RARB: variants seen among roughly 807,000 people sequenced by gnomAD.
The protein encoded by RARB is retinoic acid receptor beta.
A neutral mutation model predicts 51.9 loss-of-function variants in RARB; 17 were observed. The ratio of observed to expected loss-of-function variants is 0.33; its 90% CI spans 0.22 to 0.49. RARB has a LOEUF of 0.49. Among genes scored for constraint, RARB ranks in the 20% least tolerant of loss-of-function variants. The pLI is 0.99. For synonymous variants in RARB, 215 were observed against 195.4 expected (o/e 1.10, Z -0.84); for missense variants, 369 against 550.8 (o/e 0.67, Z 3.30).
intron 2 of RARB, among the ~76,000 whole-genome samples, chr3:24,938,992 T>TG (rs1553615775): frequency 0.043 from 6,341 of 146,112 alleles, 319 homozygotes; most frequent in East Asian, 0.23. Context: ...TTGTTGTTGT[T>TG]TTTTTTTTTA....
intron 2 of RARB, among the ~76,000 whole-genome samples, chr3:25,490,845 T>C (rs1696697602): frequency 6.6e-6 from 1 of 152,194 alleles, no homozygotes; most frequent in Non-Finnish European, 1.5e-5. Flanking sequence ...CTAAGTAATT[T>C]AGAAAACAGA....
chr3:24,884,817 G>A (rs1703238450), intron 2 of RARB, among the ~76,000 whole-genome samples: 1 of 152,084 alleles, frequency 6.6e-6, no homozygotes, highest in African/African-American at 2.4e-5. Flanking sequence ...GAGGATCACT[G>A]CAAAAATAGA....
chr3:25,401,713 G>T (rs2885838), intron 5 of RARB, among the ~76,000 whole-genome samples: 100,276 of 152,068 alleles, frequency 0.66, 33,312 homozygotes, highest in East Asian at 0.83. Context: ...GTATTCAGAC[G>T]GAAGCACAAA....
intron 2 of RARB, among the ~76,000 whole-genome samples, chr3:24,918,693 G>A (rs1178372638): frequency 1.3e-5 from 2 of 152,214 alleles, no homozygotes; most frequent in Admixed American, 1.3e-4. Flanking sequence ...GACCATCCTG[G>A]CCAACAGGCC....
rs752811760 is a variant in RARB, at chr3:25,596,552, G to A, written c.1283G>A (p.Ser428Asn). 10 of 1,613,790 alleles carry A rather than the reference G, an allele frequency of 6.2e-6. No homozygotes were observed. The Admixed American group carries it at 1.5e-4, about 24-fold the overall frequency. ...TCAAGTGGGAACACAGCAGAGCACA[G>A]TCCTAGCATCTCACCCAGCTCAGTG... ...PSSSGNTAEH[S>N]PSISPSSVEN... Residue 428 changes from serine (S) to asparagine (N), a missense_variant, in exon 8 of 8, where the codon AGT becomes AAT. Ser to Asn is a conservative substitution (Grantham distance 46, BLOSUM62 1). Coordinates refer to ENST00000330688, the MANE Select transcript of RARB (RefSeq NM_000965.5).
chr3:25,289,701 T>C lies in RARB; in HGVS notation c.178+115126T>C, dbSNP rs140919366. On this transcript the variant is annotated intron_variant, in intron 5 of 11. Coordinates refer to the RARB transcript ENST00000383772. ...AAAAGATAATTGCTGTATTAACAAA[T>C]GTTTATAGCATAATAAAGGAGTGGG... Among the ~76,000 whole-genome samples, 747 of 152,314 alleles carry C rather than the reference T, an allele frequency of 4.9e-3. 6 individuals carry two copies. Among genetic ancestry groups the C allele is most frequent in the African/African-American group, 0.017 (697 of 41,582 alleles).
At chr3:25,147,753 T>G (rs559199172) in intron 4 of RARB, among the ~76,000 whole-genome samples, 1 of 152,358 alleles carries the variant, frequency 6.6e-6, no homozygotes, top group South Asian at 2.1e-4. Flanking sequence ...AGCTACTCAC[T>G]GTTGCAGTTT....
At chr3:25,339,672 A>C (rs1048423932) in intron 5 of RARB, among the ~76,000 whole-genome samples, 40 of 151,926 alleles carry the variant, frequency 2.6e-4, no homozygotes, top group African/African-American at 9.7e-4. Context: ...ACACCCACAA[A>C]GGCACAGGGA....
intron 3 of RARB, among the ~76,000 whole-genome samples, chr3:25,108,948 T>A (rs1699555302): frequency 6.6e-6 from 1 of 152,170 alleles, no homozygotes; most frequent in Non-Finnish European, 1.5e-5. Context: ...ATGCAAACAG[T>A]GGGCTGTAGA....
chr3:24,882,530 G>T (rs1031905725), intron 2 of RARB, among the ~76,000 whole-genome samples: 1 of 152,176 alleles, frequency 6.6e-6, no homozygotes, highest in African/African-American at 2.4e-5. Context: ...ATCCCCCATG[G>T]ATACAAAGGG....
At chr3:25,129,051 A>C (rs901286268) in intron 3 of RARB, among the ~76,000 whole-genome samples, 2 of 152,150 alleles carry the variant, frequency 1.3e-5, no homozygotes, top group Non-Finnish European at 2.9e-5. Flanking sequence ...TCTAGAAAAA[A>C]TAGTGTTTAA....
At chr3:25,429,030 C>T in intron 1 of RARB, 142 bp downstream of exon 1, 2 of 1,103,652 alleles carry the variant, frequency 1.8e-6, no homozygotes, top group Non-Finnish European at 2.5e-6. Context: ...GATATGCTGG[C>T]ATGCATATTG....
chr3:25,584,754 C>T (rs745366970), intron 5 of RARB, among the ~76,000 whole-genome samples: 1 of 152,128 alleles, frequency 6.6e-6, no homozygotes, highest in Non-Finnish European at 1.5e-5. Context: ...TTGGTTTAAA[C>T]GTTTGCTCTG....
At chr3:25,259,349 C>G (rs1702942633) in intron 5 of RARB, among the ~76,000 whole-genome samples, 1 of 151,994 alleles carries the variant, frequency 6.6e-6, no homozygotes, top group South Asian at 2.1e-4. Flanking sequence ...GATATGTAGG[C>G]AAAAGTATTT....
intron 2 of RARB, among the ~76,000 whole-genome samples, chr3:25,043,443 G>T (rs1470189880): frequency 6.6e-6 from 1 of 152,192 alleles, no homozygotes; most frequent in Admixed American, 6.5e-5. Context: ...GGTCAGAGGG[G>T]ATGTGAAATG....
intron 4 of RARB, among the ~76,000 whole-genome samples, chr3:25,579,073 T>C (rs1334899479): frequency 6.6e-6 from 1 of 152,212 alleles, no homozygotes; most frequent in Non-Finnish European, 1.5e-5. Flanking sequence ...AATAAAATGA[T>C]CTCTAACACC....
At chr3:24,922,105 C>G (rs183388650) in intron 2 of RARB, among the ~76,000 whole-genome samples, 1 of 152,150 alleles carries the variant, frequency 6.6e-6, no homozygotes, top group Non-Finnish European at 1.5e-5. Context: ...ATACCACTGT[C>G]TTATATAGGA....
At chr3:25,461,385 T>G in intron 2 of RARB, 44 bp downstream of exon 2, 1 of 1,597,718 alleles carries the variant, frequency 6.3e-7, no homozygotes, top group Non-Finnish European at 8.5e-7. Flanking sequence ...TCATTCTCCA[T>G]GTACTTTATG....
intron 5 of RARB, among the ~76,000 whole-genome samples, chr3:25,249,801 A>ATGTCAGGT (rs1482037859): frequency 1.6e-5 from 1 of 61,846 alleles, no homozygotes; most frequent in Non-Finnish European, 2.8e-5. Flanking sequence ...AGGGATGGGG[A>ATGTCAGGT]TGTCAGGTAA....
Sources: gnomAD v4.1 joint callset for allele counts (sites outside exome capture counted in the v4.1 genomes callset) on GRCh38, gnomAD v4.1.1 for gene constraint, MANE v1.5 for transcripts, NCBI Gene and HGNC (gene_info 2026-07-23, HGNC 2026-07-21) for gene names.